The following PRR13 variants were observed in gnomAD, a reference collection of about 807,000 sequenced individuals.
The protein encoded by PRR13 is proline rich 13.
Under a neutral mutation model 11.5 loss-of-function variants are expected in PRR13, and 7 were observed. That is an observed-to-expected ratio of 0.61 (90% CI 0.34 to 1.14). PRR13 has a LOEUF of 1.14. Among genes scored for constraint, PRR13 ranks in the 50% most tolerant of loss-of-function variants. The probability of loss-of-function intolerance (pLI) is 0.03; values close to 1 mark genes in which losing one functional copy is unlikely to be tolerated. For synonymous variants in PRR13, 53 were observed against 67.8 expected, an observed-to-expected ratio of 0.78 and a Z score of 1.07; for missense variants, 155 against 194.4, an observed-to-expected ratio of 0.80 and a Z score of 1.21.
In PRR13 at chr12:53,442,874, TTTTAA is replaced by T. The variant is rs756496344; in HGVS notation, c.19+156_19+160del. The T allele has an allele frequency of 8.3e-4, 557 of 668,486 alleles. 2 individuals carry two copies. The highest frequency in any genetic ancestry group is 3.1e-3 in the African/African-American group (161 of 52,530). 41.4% of individuals were successfully genotyped at this position (668,486 alleles called of 1,614,324 possible). ...CCTTAGTCTAGAGCTGACCAGTGCTTTTTAATTTAATTTAATTTATTTATTTTTTG... is the reference window on the plus strand; with the variant it reads ...CCTTAGTCTAGAGCTGACCAGTGCTTTTTAATTTAATTTATTTATTTTTTG... On this transcript the variant is annotated intron_variant, in intron 2 of 3. Coordinates refer to ENST00000429243, the MANE Select transcript of PRR13 (RefSeq NM_018457.4).
At chr12:53,443,941 C>T (rs1256331702) in intron 3 of PRR13, 168 bp downstream of exon 3, 1 of 854,306 alleles carries the variant, frequency 1.2e-6, no homozygotes, top group African/African-American at 1.7e-5. Flanking sequence ...TGGGAAGAAT[C>T]TGATTATCTT....
Position 53,446,162 on chromosome 12 carries a change from C to T in PRR13, c.*103C>T, listed in dbSNP as rs1223875665. On this transcript the variant is annotated 3_prime_UTR_variant, in exon 4 of 4. Coordinates refer to ENST00000429243, the MANE Select transcript of PRR13 (RefSeq NM_018457.4). Reference sequence around the variant, plus strand: ...GGGAATGTAGCCCTTGTGCTCCCCACCCCCTACCTCCACCTGAGCCTCACC... The same window carrying T: ...GGGAATGTAGCCCTTGTGCTCCCCATCCCCTACCTCCACCTGAGCCTCACC... The T allele has an allele frequency of 6.4e-7, 1 of 1,563,214 alleles. No individual in the cohort carries two copies. Among genetic ancestry groups the T allele is most frequent in the Non-Finnish European group, 8.7e-7 (1 of 1,153,936 alleles).
rs1940401712 is a variant in PRR13, at chr12:53,446,423, C to A, written c.*364C>A. The A allele has an allele frequency of 5.0e-6, 1 of 201,930 alleles. No individual in the cohort carries two copies. Among genetic ancestry groups the A allele is most frequent in the Non-Finnish European group, 9.9e-6 (1 of 101,070 alleles). 12.5% of individuals were successfully genotyped at this position (201,930 alleles called of 1,614,324 possible). ...GTGGAAATTCAATTATGATGAAAAA[C>A]CTATCTTTTTTGTAATGTTGGCATA... On this transcript the variant is annotated 3_prime_UTR_variant, in exon 4 of 4. Coordinates refer to ENST00000429243, the MANE Select transcript of PRR13 (RefSeq NM_018457.4).
In PRR13 at chr12:53,446,411, T is replaced by C. The variant is rs974153698; in HGVS notation, c.*352T>C. The C allele has an allele frequency of 4.6e-6, 1 of 219,734 alleles. No individual in the cohort carries two copies. The highest frequency in any genetic ancestry group is 5.6e-5 in the Admixed American group (1 of 17,764). The allele number at this position is 219,734 out of a possible 1,614,324, so 13.6% of individuals were successfully genotyped here. The stretch of plus-strand genomic sequence containing the variant: ...TTGGGGAGGTTTGTGGAAATTCAAT[T>C]ATGATGAAAAACCTATCTTTTTTGT... On this transcript the variant is annotated 3_prime_UTR_variant, in exon 4 of 4. Transcript: ENST00000429243.
In PRR13 at chr12:53,443,673, C is replaced by A. The variant is rs1199456843; in HGVS notation, c.302C>A (p.Pro101Gln). The A allele has an allele frequency of 6.2e-7, 1 of 1,614,148 alleles. No homozygotes were observed. The highest frequency in any genetic ancestry group is 1.7e-5 in the Admixed American group (1 of 60,010). Residue 101 changes from proline (P) to glutamine (Q), a missense_variant, in exon 3 of 4, where the codon CCA (proline) becomes CAA (glutamine). By Grantham distance (76) the Pro-to-Gln change is moderately conservative (BLOSUM62 -1). Transcript: ENST00000429243. Reference protein sequence around the residue: ...VNPLAPGMVGPAVIVDKKMQK... With the variant: ...VNPLAPGMVGQAVIVDKKMQK... ...CCCTTGGCTCCTGGCATGGTTGGAC[C>A]AGCAGTGATAGTAGACAAGAAGATG...
At chr12:53,442,380 G>A (rs1308817079) in intron 1 of PRR13, 9 of 289,604 alleles carry the variant, frequency 3.1e-5, no homozygotes, top group South Asian at 2.2e-4. Context: ...GAATAACTGG[G>A]ATTACAGGTG....
chr12:53,443,288 G>T lies in PRR13; in HGVS notation c.20-103G>T. ...CTCCATTCTTCTTTGTCATCTTTCCGTTTCCCTTTAAGTATTGAGTGAGAA... is the reference window on the plus strand; with the variant it reads ...CTCCATTCTTCTTTGTCATCTTTCCTTTTCCCTTTAAGTATTGAGTGAGAA... On this transcript the variant is annotated intron_variant, in intron 2 of 3. Coordinates refer to ENST00000429243, the MANE Select transcript of PRR13 (RefSeq NM_018457.4). 8 of 1,189,560 alleles carry T rather than the reference G, an allele frequency of 6.7e-6. No individual in the cohort carries two copies. In the South Asian group the frequency reaches 9.0e-5, roughly 13 times the overall value. The allele number at this position is 1,189,560 out of a possible 1,614,324, so 73.7% of individuals were successfully genotyped here. A position where few individuals can be genotyped will look rare whatever the true frequency, so the allele number is the denominator to read the frequency against.
chr12:53,442,284 GC>G (rs1314848869), intron 1 of PRR13: 1 of 214,234 alleles, frequency 4.7e-6, no homozygotes. Flanking sequence ...TTGCTCCGTC[GC>G]CCAGGCTAGA....
chr12:53,442,796 G>T (rs1940320570), intron 2 of PRR13, 63 bp downstream of exon 2: 2 of 1,542,712 alleles, frequency 1.3e-6, no homozygotes, highest in African/African-American at 1.4e-5. Flanking sequence ...ATAACAGGAA[G>T]TTTCTGTATC....
At chr12:53,442,822 G>A (rs984313720) in intron 2 of PRR13, 89 bp downstream of exon 2, 3 of 1,407,448 alleles carry the variant, frequency 2.1e-6, no homozygotes, top group South Asian at 1.2e-5. Flanking sequence ...CCCTACCCCC[G>A]ACCTGCTGTA....
intron 3 of PRR13, 57 bp downstream of exon 3, chr12:53,443,830 A>G (rs758517201): frequency 5.9e-6 from 9 of 1,533,830 alleles, no homozygotes; most frequent in Non-Finnish European, 7.9e-6. Context: ...GGGACTAGGT[A>G]GGCAGGGGTT....
In PRR13 at chr12:53,443,785, C is replaced by T. The variant is rs1389028435; in HGVS notation, c.402+12C>T. On this transcript the variant is annotated intron_variant, in intron 3 of 3. Coordinates refer to ENST00000429243, the MANE Select transcript of PRR13 (RefSeq NM_018457.4). ...ACAAGCATGGCAAGGTCAGTACCCT[C>T]TGGAGACTGGCTAGGGAAGGAGTCC... is the stretch of plus-strand genomic sequence containing the variant. 1.9e-6 allele frequency: 3 copies of T among 1,587,946 alleles called. No individual in the cohort carries two copies. Among genetic ancestry groups the T allele is most frequent in the South Asian group, 2.3e-5 (2 of 88,086 alleles).
At chr12:53,442,120 G>A in intron 1 of PRR13, 1 of 421,854 alleles carries the variant, frequency 2.4e-6, no homozygotes, top group Non-Finnish European at 4.2e-6. Context: ...AGACTCGCGG[G>A]TACTGCCTAC....
intron 3 of PRR13, among the ~76,000 whole-genome samples, 180 bp from the exon 4 acceptor site, chr12:53,445,835 A>C (rs1257310338): frequency 6.6e-6 from 1 of 152,154 alleles, no homozygotes; most frequent in African/African-American, 2.4e-5. Context: ...CTGTATGCTC[A>C]CTGCTGAAGG....
chr12:53,443,971 C>T (rs896677866), intron 3 of PRR13, 198 bp downstream of exon 3: 11 of 738,512 alleles, frequency 1.5e-5, no homozygotes, highest in Admixed American at 8.9e-5. Flanking sequence ...CATCAGGCTT[C>T]TCCTATCTGG....
In PRR13 at chr12:53,446,573, C is replaced by T; in HGVS notation, c.*514C>T. ...TTTGACTGCGGTTTTGGAACCTTACCTCTCCTCCTTAGCCCAATATGCTGT... is the reference window on the plus strand; with the variant it reads ...TTTGACTGCGGTTTTGGAACCTTACTTCTCCTCCTTAGCCCAATATGCTGT... On this transcript the variant is annotated 3_prime_UTR_variant, in exon 4 of 4. Transcript: ENST00000429243. 6.2e-6 allele frequency: 1 copy of T among 160,252 alleles called. No individual in the cohort carries two copies. Among genetic ancestry groups the T allele is most frequent in the Admixed American group, 6.1e-5 (1 of 16,302 alleles). 9.9% of individuals were successfully genotyped at this position (160,252 alleles called of 1,614,324 possible). A position where few individuals can be genotyped will look rare whatever the true frequency, so the allele number is the denominator to read the frequency against.
At chr12:53,444,541 A>G (rs34169640) in intron 3 of PRR13, among the ~76,000 whole-genome samples, 2,725 of 152,248 alleles carry the variant, frequency 0.018, 41 homozygotes, top group Non-Finnish European at 0.029. Flanking sequence ...GTGTTAGCCA[A>G]GATGGTCTCG....
intron 3 of PRR13, among the ~76,000 whole-genome samples, chr12:53,444,327 AG>A (rs1033962342): frequency 2.1e-5 from 3 of 139,852 alleles, no homozygotes; most frequent in Non-Finnish European, 4.6e-5. Context: ...AGGACTAAGG[AG>A]GTTTTTTTTT....
At chr12:53,443,236 C>T (rs1592617175) in intron 2 of PRR13, 155 bp from the exon 3 acceptor site, 1 of 747,304 alleles carries the variant, frequency 1.3e-6, no homozygotes, top group African/African-American at 1.8e-5. Flanking sequence ...CCCCTTTTCT[C>T]CCCAACTCAA....
Sources: gnomAD v4.1 joint callset for allele counts (sites outside exome capture counted in the v4.1 genomes callset) on GRCh38, gnomAD v4.1.1 for gene constraint, MANE v1.5 for transcripts, NCBI Gene and HGNC (gene_info 2026-07-23, HGNC 2026-07-21) for gene names.